The following CSMD1 variants were observed in gnomAD, a reference collection of about 807,000 sequenced individuals.
CSMD1 encodes CUB and sushi domain-containing protein 1.
In CSMD1, 213 loss-of-function variants were observed where a neutral mutation model predicts 417.5. The observed-to-expected ratio is 0.51, with a 90% CI of 0.46 to 0.57. The LOEUF is 0.57. Among genes scored for constraint, CSMD1 ranks in the 20% least tolerant of loss-of-function variants. The pLI is 0.00. For synonymous variants in CSMD1, 2,862 were observed against 1,736.8 expected, an observed-to-expected ratio of 1.65 and a Z score of -16.11; for missense variants, 6,923 against 4,529.7, an observed-to-expected ratio of 1.53 and a Z score of -15.17.
At chr8:3,033,237 G>C (rs1478028015) in intron 50 of CSMD1, among the ~76,000 whole-genome samples, 2 of 152,012 alleles carry the variant, frequency 1.3e-5, no homozygotes, top group African/African-American at 4.8e-5. Context: ...CTTTGATTTA[G>C]ATGCAAATTT....
At chr8:3,890,401 G>A (rs942603285) in intron 5 of CSMD1, among the ~76,000 whole-genome samples, 2 of 151,988 alleles carry the variant, frequency 1.3e-5, no homozygotes, top group African/African-American at 4.8e-5. Context: ...CAAAGACAAA[G>A]GGGACATCAG....
chr8:3,782,318 A>G (rs1024979589), intron 5 of CSMD1, among the ~76,000 whole-genome samples: 2 of 152,182 alleles, frequency 1.3e-5, no homozygotes, highest in Non-Finnish European at 2.9e-5. Flanking sequence ...TACTTGTATG[A>G]TACTGTGGCC....
Position 3,975,619 on chromosome 8 carries a change from G to A in CSMD1, c.818+22284C>T, listed in dbSNP as rs138131404. 3.6e-3 allele frequency among the ~76,000 whole-genome samples: 548 copies of A among 152,264 alleles called. 5 individuals carry two copies. Among genetic ancestry groups the A allele is most frequent in the African/African-American group, 0.013 (525 of 41,564 alleles). On this transcript the variant is annotated intron_variant, in intron 5 of 69. Coordinates refer to ENST00000635120, the MANE Select transcript of CSMD1 (RefSeq NM_033225.6). ...TGTGGATTAGAAAAAGGGTTCCCAT[G>A]ACTAAAGTGCCTGTAGGTGCCCAGC...
At chr8:3,884,928 TATTC>T (rs1225779289) in intron 5 of CSMD1, among the ~76,000 whole-genome samples, 13 of 120,784 alleles carry the variant, frequency 1.1e-4, no homozygotes, top group African/African-American at 5.1e-4. Flanking sequence ...TATATATATA[TATTC>T]ATATATATAT....
At chr8:4,918,950 T>C (rs960991870) in intron 1 of CSMD1, among the ~76,000 whole-genome samples, 14 of 152,244 alleles carry the variant, frequency 9.2e-5, no homozygotes, top group Admixed American at 9.2e-4. Context: ...GTTTGGTTTA[T>C]ATTTTTTTCC....
chr8:3,389,501 T>TG (rs1362281274), intron 17 of CSMD1, among the ~76,000 whole-genome samples: 2 of 152,086 alleles, frequency 1.3e-5, no homozygotes, highest in Non-Finnish European at 2.9e-5. Flanking sequence ...TCTAGGTTTC[T>TG]GGGGAAAAAA....
At chr8:3,691,491 C>A (rs563524595) in intron 7 of CSMD1, among the ~76,000 whole-genome samples, 24 of 152,222 alleles carry the variant, frequency 1.6e-4, no homozygotes, top group African/African-American at 5.5e-4. Context: ...CAATGTTTCA[C>A]TGCAAGGCAT....
intron 1 of CSMD1, among the ~76,000 whole-genome samples, chr8:4,800,307 T>A (rs552126864): frequency 8.0e-4 from 122 of 152,038 alleles, no homozygotes; most frequent in African/African-American, 2.9e-3. Flanking sequence ...GGTGCACACA[T>A]GTAATCCCAC....
intron 37 of CSMD1, among the ~76,000 whole-genome samples, chr8:3,180,201 A>C (rs1244753893): frequency 6.6e-6 from 1 of 152,212 alleles, no homozygotes; most frequent in Non-Finnish European, 1.5e-5. Flanking sequence ...TACCTGCATA[A>C]TCAAACGCCA....
At chr8:4,845,770 C>T (rs773144283) in intron 1 of CSMD1, among the ~76,000 whole-genome samples, 12 of 152,164 alleles carry the variant, frequency 7.9e-5, no homozygotes, top group Admixed American at 7.2e-4. Context: ...TCAAGAATCA[C>T]GTGAGTAGTA....
intron 1 of CSMD1, among the ~76,000 whole-genome samples, chr8:4,986,653 C>G (rs554440196): frequency 3.0e-4 from 46 of 152,074 alleles, no homozygotes; most frequent in African/African-American, 1.0e-3. Context: ...TAATTATCCC[C>G]TGAAGTCTCC....
chr8:4,649,107 C>T (rs556786693), intron 1 of CSMD1, among the ~76,000 whole-genome samples: 1 of 152,138 alleles, frequency 6.6e-6, no homozygotes, highest in Non-Finnish European at 1.5e-5. Context: ...CATTGATACA[C>T]CTGTCATTAT....
chr8:3,677,683 C>G (rs940290251), intron 7 of CSMD1, among the ~76,000 whole-genome samples: 2 of 152,100 alleles, frequency 1.3e-5, no homozygotes, highest in African/African-American at 4.8e-5. Context: ...GCTCTTTGGC[C>G]AGAGCTGGGT....
At chr8:4,920,911 GAAAAGAAAAGAAA>G (rs1806415144) in intron 1 of CSMD1, among the ~76,000 whole-genome samples, 7 of 27,082 alleles carry the variant, frequency 2.6e-4, no homozygotes, top group African/African-American at 8.8e-4. Flanking sequence ...GAAAAGAAAA[GAAAAGAAAAGAAA>G]AGAAAGAGAG....
intron 1 of CSMD1, among the ~76,000 whole-genome samples, chr8:4,877,348 G>A (rs1391242402): frequency 6.6e-6 from 1 of 151,966 alleles, no homozygotes; most frequent in African/African-American, 2.4e-5. Context: ...GATAAATTAT[G>A]TTATTTTACA....
At chr8:3,695,075 T>C (rs955863179) in intron 7 of CSMD1, among the ~76,000 whole-genome samples, 11 of 135,116 alleles carry the variant, frequency 8.1e-5, no homozygotes, top group South Asian at 5.1e-4. Context: ...CACAAAAGAA[T>C]TGGAGGCCCT....
intron 3 of CSMD1, among the ~76,000 whole-genome samples, chr8:4,189,353 T>C (rs970978119): frequency 6.6e-6 from 1 of 152,190 alleles, no homozygotes; most frequent in Non-Finnish European, 1.5e-5. Flanking sequence ...GGAATAATGA[T>C]AATAAATAAT....
chr8:3,754,166 A>G (rs536635989), intron 5 of CSMD1, 124 bp from the exon 6 acceptor site: 18 of 566,470 alleles, frequency 3.2e-5, no homozygotes, highest in East Asian at 2.1e-4. Context: ...AACAGAGGCC[A>G]TGTATTAATT....
At chr8:3,739,870 G>C (rs755831144) in intron 6 of CSMD1, among the ~76,000 whole-genome samples, 2 of 152,134 alleles carry the variant, frequency 1.3e-5, no homozygotes, top group Non-Finnish European at 2.9e-5. Context: ...CAGGGAAGTT[G>C]AAGAATCTCC....
Sources: allele counts gnomAD v4.1 joint callset (sites outside exome capture counted in the v4.1 genomes callset), GRCh38; gene constraint gnomAD v4.1.1; transcripts MANE v1.5; gene names NCBI Gene and HGNC (gene_info 2026-07-23, HGNC 2026-07-21).